Variants in GUCA1C observed in about 807,000 individuals in gnomAD.
GUCA1C encodes the protein guanylate cyclase activator 1C, also known as guanylyl cyclase-activating protein 3.
GUCA1C carries 15 observed loss-of-function variants against 16.2 expected under a neutral mutation model. That is an observed-to-expected ratio of 0.93 (90% confidence interval 0.62 to 1.43). GUCA1C has a LOEUF of 1.43. Among genes scored for constraint, GUCA1C ranks in the 40% most tolerant of loss-of-function variants. The probability of loss-of-function intolerance (pLI) is 0.00; values close to 1 mark genes in which losing one functional copy is unlikely to be tolerated. For synonymous variants in GUCA1C, 78 were observed against 85.4 expected (o/e 0.91, Z 0.48); for missense variants, 275 against 244.8 (o/e 1.12, Z -0.82).
intron 1 of GUCA1C, among the ~76,000 whole-genome samples, chr3:108,939,935 A>G (rs1387582278): frequency 6.6e-6 from 1 of 152,228 alleles, no homozygotes; most frequent in Non-Finnish European, 1.5e-5. Flanking sequence ...ATATATAGCC[A>G]GAATGAAGAA....
chr3:108,923,281 T>C (rs969896746), intron 1 of GUCA1C, among the ~76,000 whole-genome samples: 1 of 152,226 alleles, frequency 6.6e-6, no homozygotes, highest in Non-Finnish European at 1.5e-5. Context: ...TGTTATCTTC[T>C]AGAATCTTTA....
At position 108,932,780 on chromosome 3, in the gene GUCA1C, G is replaced by A. The variant is rs1168107394; in HGVS notation, c.205-12195C>T. On this transcript the variant is annotated intron_variant, in intron 1 of 3. Transcript: ENST00000261047. ...CTACTAAACATACAGAATTAGCCGG[G>A]CGTGGCGGCGCATGCCTGTAATCCC... is the stretch of plus-strand genomic sequence containing the variant. Among the ~76,000 whole-genome samples the A allele has an allele frequency of 2.0e-5, 3 of 152,024 alleles. No homozygotes were observed. In the East Asian group the frequency reaches 5.8e-4, roughly 29 times the overall value.
intron 1 of GUCA1C, among the ~76,000 whole-genome samples, chr3:108,940,385 T>G (rs1576554955): frequency 6.6e-6 from 1 of 152,318 alleles, no homozygotes; most frequent in East Asian, 1.9e-4. Context: ...TGTTGCCTGC[T>G]CCAATTTTTA....
intron 1 of GUCA1C, 41 bp downstream of exon 1, chr3:108,953,518 C>T (rs768692138): frequency 4.5e-6 from 6 of 1,335,020 alleles, no homozygotes; most frequent in Non-Finnish European, 5.4e-6. Context: ...GAGTGCAGAA[C>T]CACAGCATTT....
intron 2 of GUCA1C, among the ~76,000 whole-genome samples, chr3:108,920,185 T>C (rs572615475): frequency 2.9e-4 from 44 of 152,320 alleles, no homozygotes; most frequent in Admixed American, 9.8e-4. Context: ...ATCATATTTG[T>C]TTCATTTCTT....
At chr3:108,942,933 C>A (rs772140647) in intron 1 of GUCA1C, among the ~76,000 whole-genome samples, 1 of 152,194 alleles carries the variant, frequency 6.6e-6, no homozygotes, top group African/African-American at 2.4e-5. Flanking sequence ...TCCTGGCAAT[C>A]TCTCCTGTCA....
chr3:108,948,367 T>C (rs1000245947), intron 1 of GUCA1C, among the ~76,000 whole-genome samples: 2 of 152,172 alleles, frequency 1.3e-5, no homozygotes, highest in African/African-American at 4.8e-5. Flanking sequence ...TCTATCATGA[T>C]TGTAAGTTTC....
At position 108,919,935 on chromosome 3, in the gene GUCA1C, G is replaced by A. The variant is rs148280498; in HGVS notation, c.354+501C>T. 2.1e-3 allele frequency among the ~76,000 whole-genome samples: 319 copies of A among 152,116 alleles called. 2 individuals are homozygous for A. The highest frequency in any genetic ancestry group is 7.4e-3 in the African/African-American group (307 of 41,498). On this transcript the variant is annotated intron_variant, in intron 2 of 3. Transcript: ENST00000261047. ...GATAATAACTATCTCCTACTCCATT[G>A]GGGTGGTGGTACAGTGGCTTATAAA...
At chr3:108,932,040 C>T (rs1187478683) in intron 1 of GUCA1C, among the ~76,000 whole-genome samples, 1 of 151,446 alleles carries the variant, frequency 6.6e-6, no homozygotes. Context: ...TTAGTAGAGA[C>T]GGGGTTTCAC....
intron 3 of GUCA1C, among the ~76,000 whole-genome samples, chr3:108,909,630 A>G (rs1309786169): frequency 6.6e-6 from 1 of 152,238 alleles, no homozygotes; most frequent in South Asian, 2.1e-4. Flanking sequence ...ACTACTGGCT[A>G]TAGAAGAGGC....
intron 1 of GUCA1C, among the ~76,000 whole-genome samples, chr3:108,946,876 T>C (rs1576557624): frequency 1.7e-5 from 2 of 121,042 alleles, no homozygotes; most frequent in Middle Eastern, 5.0e-3. Context: ...GGATCCTAGC[T>C]CAAATCAAGA....
intron 1 of GUCA1C, among the ~76,000 whole-genome samples, chr3:108,952,243 G>A (rs1317349984): frequency 6.6e-6 from 1 of 152,168 alleles, no homozygotes; most frequent in Non-Finnish European, 1.5e-5. Context: ...ACAGGGAGAG[G>A]CAAATAAAGA....
At chr3:108,947,621 T>A (rs1946854797) in intron 1 of GUCA1C, among the ~76,000 whole-genome samples, 1 of 152,228 alleles carries the variant, frequency 6.6e-6, no homozygotes, top group African/African-American at 2.4e-5. Flanking sequence ...TTGGTATAGA[T>A]GAATAATAAA....
At chr3:108,951,076 T>C (rs1240806558) in intron 1 of GUCA1C, among the ~76,000 whole-genome samples, 1 of 152,070 alleles carries the variant, frequency 6.6e-6, no homozygotes, top group Non-Finnish European at 1.5e-5. Context: ...TTGCATGATC[T>C]CATTTACATG....
chr3:108,921,530 G>C (rs903174003), intron 1 of GUCA1C, among the ~76,000 whole-genome samples: 5 of 152,148 alleles, frequency 3.3e-5, no homozygotes, highest in African/African-American at 1.2e-4. Context: ...TTTCAAAGTA[G>C]TTGAACCATT....
At chr3:108,933,401 T>A (rs952115058) in intron 1 of GUCA1C, among the ~76,000 whole-genome samples, 2 of 152,144 alleles carry the variant, frequency 1.3e-5, no homozygotes, top group Non-Finnish European at 2.9e-5. Context: ...AGGGAAAAGT[T>A]TAATGGGGGG....
At chr3:108,921,939 C>T (rs1259764057) in intron 1 of GUCA1C, among the ~76,000 whole-genome samples, 1 of 152,096 alleles carries the variant, frequency 6.6e-6, no homozygotes, top group Non-Finnish European at 1.5e-5. Context: ...CCACCCTCTA[C>T]CCTTTCCCCA....
At chr3:108,946,163 G>A (rs887784233) in intron 1 of GUCA1C, among the ~76,000 whole-genome samples, 1 of 152,146 alleles carries the variant, frequency 6.6e-6, no homozygotes, top group African/African-American at 2.4e-5. Context: ...CAGGGTCTCT[G>A]TCACTCAGGC....
At chr3:108,908,699 T>A (rs1355802841) in intron 3 of GUCA1C, among the ~76,000 whole-genome samples, 2 of 152,230 alleles carry the variant, frequency 1.3e-5, no homozygotes, top group African/African-American at 4.8e-5. Context: ...TTTTGCTCAT[T>A]AGTTCTCTAC....
Sources: gnomAD v4.1 joint callset for allele counts (sites outside exome capture counted in the v4.1 genomes callset) on GRCh38, gnomAD v4.1.1 for gene constraint, MANE v1.5 for transcripts, NCBI Gene and HGNC (gene_info 2026-07-23, HGNC 2026-07-21) for gene names.